TBC1D19: variants seen among roughly 807,000 people sequenced by gnomAD.
TBC1D19 encodes TBC1 domain family, member 19.
A neutral mutation model predicts 89.0 loss-of-function variants in TBC1D19; 60 were observed. The ratio of observed to expected loss-of-function variants is 0.67; its 90% CI spans 0.55 to 0.84. The LOEUF (loss-of-function observed/expected upper bound fraction) is 0.84. TBC1D19 is among the 40% of genes least tolerant of loss of function. The pLI, the probability that TBC1D19 is intolerant of heterozygous loss-of-function variation, is 0.00. For synonymous variants in TBC1D19, 189 were observed against 199.7 expected, an observed-to-expected ratio of 0.95 and a Z score of 0.45; for missense variants, 500 against 610.8, an observed-to-expected ratio of 0.82 and a Z score of 1.91.
intron 13 of TBC1D19, among the ~76,000 whole-genome samples, chr4:26,696,610 A>G (rs1032795625): frequency 1.1e-4 from 16 of 152,218 alleles, no homozygotes; most frequent in Non-Finnish European, 1.9e-4. Flanking sequence ...AGTTGGAAGT[A>G]AAGCACTCCT....
intron 17 of TBC1D19, among the ~76,000 whole-genome samples, chr4:26,741,628 C>CT (rs559984512): frequency 0.021 from 2,978 of 141,470 alleles, 52 homozygotes; most frequent in East Asian, 0.065. Context: ...TGCCTCTGTC[C>CT]TTTTTTTTTT....
At chr4:26,608,502 G>A (rs183246969) in intron 1 of TBC1D19, among the ~76,000 whole-genome samples, 2 of 152,216 alleles carry the variant, frequency 1.3e-5, no homozygotes, top group Admixed American at 1.3e-4. Context: ...TTACCATGTT[G>A]TCACTGTCCT....
At chr4:26,675,542 G>A (rs968879165) in intron 11 of TBC1D19, among the ~76,000 whole-genome samples, 2 of 151,904 alleles carry the variant, frequency 1.3e-5, no homozygotes, top group African/African-American at 4.8e-5. Context: ...TTTTATTAAA[G>A]CATCTTTTAT....
At chr4:26,807,350 A>G in the TBC1D19 span, among the ~76,000 whole-genome samples, 1 of 152,204 alleles carries the variant, frequency 6.6e-6, no homozygotes, top group Non-Finnish European at 1.5e-5. Context: ...TCACAATGAA[A>G]GCCGTTGAAA....
At chr4:26,802,509 C>G in the TBC1D19 span, among the ~76,000 whole-genome samples, 1 of 151,964 alleles carries the variant, frequency 6.6e-6, no homozygotes, top group African/African-American at 2.4e-5. Context: ...GTCTGAGGCA[C>G]AAGAGTTGCT....
At chr4:26,790,166 C>T in the TBC1D19 span, among the ~76,000 whole-genome samples, 8,036 of 152,106 alleles carry the variant, frequency 0.053, 319 homozygotes, top group Middle Eastern at 0.11. Context: ...GCACCTGTAC[C>T]TTCTAAATTT....
At chr4:26,763,581 C>T in the TBC1D19 span, among the ~76,000 whole-genome samples, 4 of 152,188 alleles carry the variant, frequency 2.6e-5, no homozygotes, top group African/African-American at 7.2e-5. Flanking sequence ...TGATTGATGG[C>T]GCATGCCTCC....
At chr4:26,620,900 A>G (rs1458927988) in intron 4 of TBC1D19, among the ~76,000 whole-genome samples, 1 of 152,174 alleles carries the variant, frequency 6.6e-6, no homozygotes, top group African/African-American at 2.4e-5. Flanking sequence ...CCTGGAAAAA[A>G]TGGGGTAGAA....
Position 26,640,254 on chromosome 4 carries a change from A to T in TBC1D19, c.480+67A>T, listed in dbSNP as rs540660352. 1.2e-5 allele frequency: 16 copies of T among 1,318,854 alleles called. 1 individual carries two copies. The African/African-American group carries it at 2.2e-4, about 18-fold the overall frequency. 81.7% of individuals were successfully genotyped at this position (1,318,854 alleles called of 1,614,324 possible). The stretch of plus-strand genomic sequence containing the variant: ...TAATGTGAATAAATGATGATGTAAA[A>T]ATATATCAAGGCAGAGGGATTAGCA... On this transcript the variant is annotated intron_variant, in intron 7 of 20. Transcript: ENST00000264866.
the TBC1D19 span, among the ~76,000 whole-genome samples, chr4:26,842,909 C>T: frequency 6.6e-6 from 1 of 152,100 alleles, no homozygotes; most frequent in Non-Finnish European, 1.5e-5. Context: ...GAAACATTTT[C>T]ATTTTTCTCT....
intron 7 of TBC1D19, among the ~76,000 whole-genome samples, chr4:26,652,792 A>G (rs920068352): frequency 3.3e-5 from 5 of 151,706 alleles, no homozygotes; most frequent in Admixed American, 6.6e-5. Context: ...CGGTCTATCA[A>G]TTTTGTTGAT....
chr4:26,679,094 C>A (rs893990349), intron 11 of TBC1D19, among the ~76,000 whole-genome samples: 1 of 152,136 alleles, frequency 6.6e-6, no homozygotes, highest in African/African-American at 2.4e-5. Flanking sequence ...AAGCTGGCTG[C>A]AGAAATTTGC....
chr4:26,756,054 G>T lies in TBC1D19; in HGVS notation c.*1107G>T, dbSNP rs763109301. On this transcript the variant is annotated 3_prime_UTR_variant, in exon 21 of 21. Transcript: ENST00000264866. ...AAACTGTAAATCAGTAGATTGATACGCTTATTGATTGCCTAGAATTTTATT... is the reference window on the plus strand; with the variant it reads ...AAACTGTAAATCAGTAGATTGATACTCTTATTGATTGCCTAGAATTTTATT... Among the ~76,000 whole-genome samples, 2 of 152,118 alleles carry T rather than the reference G, an allele frequency of 1.3e-5. No individual in the cohort carries two copies. Among genetic ancestry groups the T allele is most frequent in the Non-Finnish European group, 2.9e-5 (2 of 68,024 alleles).
chr4:26,813,231 A>G, the TBC1D19 span, among the ~76,000 whole-genome samples: 1 of 152,164 alleles, frequency 6.6e-6, no homozygotes, highest in East Asian at 1.9e-4. Flanking sequence ...AGCCTGGGTG[A>G]CAGAGAAAGA....
At position 26,737,007 on chromosome 4, in the gene TBC1D19, T is replaced by A. The variant is rs6448469; in HGVS notation, c.1117+1520T>A. Among the ~76,000 whole-genome samples the A allele has an allele frequency of 1.2e-3, 190 of 152,354 alleles. 1 individual carries two copies. The highest frequency in any genetic ancestry group is 7.8e-3 in the Admixed American group (119 of 15,290). ...AAGATTGTTGTCCCCTTTATTTCTA[T>A]CCCCTACCTTTAGAATGAACAGAAA... On this transcript the variant is annotated intron_variant, in intron 16 of 20. Coordinates refer to ENST00000264866, the MANE Select transcript of TBC1D19 (RefSeq NM_018317.4).
At chr4:26,723,429 G>A (rs566925746) in intron 15 of TBC1D19, among the ~76,000 whole-genome samples, 5 of 152,236 alleles carry the variant, frequency 3.3e-5, no homozygotes, top group African/African-American at 1.2e-4. Context: ...CACACATAGA[G>A]GTTAGCCTGC....
chr4:26,817,694 A>C, the TBC1D19 span, among the ~76,000 whole-genome samples: 18 of 152,204 alleles, frequency 1.2e-4, no homozygotes, highest in Non-Finnish European at 2.1e-4. Context: ...TAGGCTGGGC[A>C]TGGTGGCATA....
the TBC1D19 span, among the ~76,000 whole-genome samples, chr4:26,822,247 G>C: frequency 6.6e-6 from 1 of 152,326 alleles, no homozygotes; most frequent in East Asian, 1.9e-4. Flanking sequence ...CTTCCTTCTG[G>C]AGATGAAAAG....
rs895522592 is a variant in TBC1D19 at position 26,756,118 on chromosome 4, G to A, written c.*1171G>A. ...ATGTATTTTATGAGTCTTTTATTTT[G>A]GCAGTATGTATTAGGAAAAATGCTT... On this transcript the variant is annotated 3_prime_UTR_variant, in exon 21 of 21. Transcript: ENST00000264866. Among the ~76,000 whole-genome samples, 2 of 152,008 alleles carry A rather than the reference G, an allele frequency of 1.3e-5. No individual in the cohort carries two copies. The highest frequency in any genetic ancestry group is 6.6e-5 in the Admixed American group (1 of 15,258).
Sources: gnomAD v4.1 joint callset for allele counts (sites outside exome capture counted in the v4.1 genomes callset) on GRCh38, gnomAD v4.1.1 for gene constraint, MANE v1.5 for transcripts, NCBI Gene and HGNC (gene_info 2026-07-23, HGNC 2026-07-21) for gene names.